The following PRELID2 variants were observed in gnomAD, a reference collection of about 807,000 sequenced individuals.
PRELID2 encodes the protein PRELI domain containing 2, also known as PRELI domain-containing protein 2.
In PRELID2, 25 loss-of-function variants were observed where a neutral mutation model predicts 28.4. The ratio of observed to expected loss-of-function variants is 0.88; its 90% CI spans 0.64 to 1.23. The LOEUF (loss-of-function observed/expected upper bound fraction) is 1.23. Ranked by LOEUF, PRELID2 falls within the 50% of genes most tolerant of loss-of-function variation. PRELID2 has a pLI of 0.00. For synonymous variants in PRELID2, 76 were observed against 71.6 expected, an observed-to-expected ratio of 1.06 and a Z score of -0.31; for missense variants, 201 against 214.4, an observed-to-expected ratio of 0.94 and a Z score of 0.39.
the PRELID2 span, among the ~76,000 whole-genome samples, chr5:145,434,266 T>C: frequency 6.6e-6 from 1 of 152,206 alleles, no homozygotes; most frequent in Non-Finnish European, 1.5e-5. Context: ...TGCTACTAAA[T>C]CATTAAGCAG....
At chr5:145,648,220 G>A (rs569288160) in intron 1 of PRELID2, among the ~76,000 whole-genome samples, 7 of 152,216 alleles carry the variant, frequency 4.6e-5, no homozygotes, top group African/African-American at 1.7e-4. Context: ...ACATATCCAA[G>A]AATGAACTAA....
At chr5:145,806,346 A>G (rs575388045) in intron 4 of PRELID2, among the ~76,000 whole-genome samples, 67 of 152,166 alleles carry the variant, frequency 4.4e-4, no homozygotes, top group African/African-American at 1.5e-3. Flanking sequence ...AAAACACAAA[A>G]ACACACACAT....
intron 1 of PRELID2, among the ~76,000 whole-genome samples, chr5:145,540,314 G>T (rs1296233499): frequency 6.6e-6 from 1 of 151,942 alleles, no homozygotes; most frequent in Non-Finnish European, 1.5e-5. Flanking sequence ...GCTTCAGACT[G>T]ATAAGCCTTA....
chr5:145,301,239 C>G, the PRELID2 span, among the ~76,000 whole-genome samples: 1 of 152,016 alleles, frequency 6.6e-6, no homozygotes, highest in Admixed American at 6.6e-5. Flanking sequence ...TTCCTGAAAC[C>G]TAATGATGTT....
intron 1 of PRELID2, among the ~76,000 whole-genome samples, chr5:145,826,384 T>C (rs1036660243): frequency 1.3e-5 from 2 of 152,216 alleles, no homozygotes; most frequent in African/African-American, 4.8e-5. Context: ...CTGGCTTAGC[T>C]GATCACAAAC....
chr5:145,513,885 C>T (rs950106875), intron 1 of PRELID2, among the ~76,000 whole-genome samples: 14 of 152,124 alleles, frequency 9.2e-5, no homozygotes, highest in Non-Finnish European at 2.1e-4. Context: ...ATTTCATATC[C>T]AGCCAAATTA....
At chr5:145,336,704 A>G in the PRELID2 span, among the ~76,000 whole-genome samples, 2 of 151,994 alleles carry the variant, frequency 1.3e-5, no homozygotes, top group Non-Finnish European at 2.9e-5. Context: ...AAAGACTTGG[A>G]ACCAACCCAA....
chr5:145,392,323 C>A, the PRELID2 span, among the ~76,000 whole-genome samples: 1 of 152,116 alleles, frequency 6.6e-6, no homozygotes, highest in Non-Finnish European at 1.5e-5. Context: ...GAGAGAAGTA[C>A]TGAGTGAAGG....
chr5:145,415,821 G>T, the PRELID2 span, among the ~76,000 whole-genome samples: 1 of 151,814 alleles, frequency 6.6e-6, no homozygotes, highest in Non-Finnish European at 1.5e-5. Flanking sequence ...GGGTCAAATC[G>T]TATTTCTAGT....
At chr5:145,472,893 C>A (rs1752066601) in intron 2 of PRELID2, among the ~76,000 whole-genome samples, 2 of 152,136 alleles carry the variant, frequency 1.3e-5, no homozygotes, top group Admixed American at 1.3e-4. Flanking sequence ...CCTAGATTTT[C>A]ATTAAACTAT....
chr5:145,539,573 A>AT (rs1344106536), intron 1 of PRELID2, among the ~76,000 whole-genome samples: 2 of 151,936 alleles, frequency 1.3e-5, no homozygotes, highest in Admixed American at 1.3e-4. Context: ...TTTTTGTATT[A>AT]TAAAAAATAT....
At chr5:145,796,903 T>C (rs184948467) in intron 4 of PRELID2, among the ~76,000 whole-genome samples, 3 of 152,230 alleles carry the variant, frequency 2.0e-5, no homozygotes, top group South Asian at 2.1e-4. Flanking sequence ...TTACAACTAC[T>C]GTGGCAAGTA....
At chr5:145,737,452 TAAG>T (rs1370658772) in intron 1 of PRELID2, among the ~76,000 whole-genome samples, 2 of 151,152 alleles carry the variant, frequency 1.3e-5, no homozygotes, top group African/African-American at 2.4e-5. Flanking sequence ...ACAAAAAAAA[TAAG>T]AAGACTGTGA....
At chr5:145,341,958 GTCAGAC>G in the PRELID2 span, among the ~76,000 whole-genome samples, 1 of 152,158 alleles carries the variant, frequency 6.6e-6, no homozygotes, top group Admixed American at 6.5e-5. Flanking sequence ...GCACATTGTA[GTCAGAC>G]TCTCTAAGGT....
the PRELID2 span, among the ~76,000 whole-genome samples, chr5:145,342,803 G>A: frequency 9.2e-4 from 135 of 146,616 alleles, no homozygotes; most frequent in African/African-American, 3.3e-3. Flanking sequence ...TAGACTGAAA[G>A]TAAAGAAATA....
chr5:145,229,418 C>A, the PRELID2 span: 1 of 764,858 alleles, frequency 1.3e-6, no homozygotes, highest in South Asian at 1.3e-5. Flanking sequence ...CCCCAAGAAC[C>A]AAGTGCCTCC....
At chr5:145,394,142 A>T in the PRELID2 span, among the ~76,000 whole-genome samples, 2 of 152,146 alleles carry the variant, frequency 1.3e-5, no homozygotes, top group African/African-American at 2.4e-5. Context: ...GTATGTTTAT[A>T]GCGGCACTAT....
At chr5:145,327,863 C>T in the PRELID2 span, among the ~76,000 whole-genome samples, 3 of 151,980 alleles carry the variant, frequency 2.0e-5, no homozygotes, top group African/African-American at 7.2e-5. Context: ...ATAAACATGC[C>T]ATGGTGGTTT....
chr5:145,560,184 C>T (rs758034002), intron 1 of PRELID2, among the ~76,000 whole-genome samples: 2 of 152,300 alleles, frequency 1.3e-5, no homozygotes, highest in East Asian at 1.9e-4. Flanking sequence ...TTCTACTGAA[C>T]GTGTCACTTT....
Sources: allele counts gnomAD v4.1 joint callset (sites outside exome capture counted in the v4.1 genomes callset), GRCh38; gene constraint gnomAD v4.1.1; transcripts MANE v1.5; gene names NCBI Gene and HGNC (gene_info 2026-07-23, HGNC 2026-07-21).